The following DAB1 variants were observed in gnomAD, a reference collection of about 807,000 sequenced individuals.
The protein encoded by DAB1 is DAB adaptor protein 1, also known as disabled homolog 1.
Under a neutral mutation model 64.6 loss-of-function variants are expected in DAB1, and 15 were observed. The observed-to-expected ratio is 0.23, with a 90% CI of 0.16 to 0.36. The LOEUF is 0.36. DAB1 is among the 10% of genes least tolerant of loss of function. DAB1 has a pLI of 1.00. For synonymous variants in DAB1, 235 were observed against 251.9 expected (o/e 0.93, Z 0.64); for missense variants, 596 against 706.7 (o/e 0.84, Z 1.78).
chr1:58,437,768 T>A (rs547049299), intron 3 of DAB1, among the ~76,000 whole-genome samples: 5 of 152,266 alleles, frequency 3.3e-5, no homozygotes, highest in Non-Finnish European at 5.9e-5. Context: ...CCCTAACACA[T>A]CCTTTGAGGA....
Position 56,997,824 on chromosome 1 carries a change from C to T in DAB1, c.*320G>A, listed in dbSNP as rs1645687849. ...GCACACTGAGTCATCTTAAACCCAG[C>T]TATGAGGGCTCAAATATTTGTTGGG... On this transcript the variant is annotated 3_prime_UTR_variant, in exon 15 of 15. Coordinates refer to ENST00000371236, the MANE Select transcript of DAB1 (RefSeq NM_001365792.1). 6.6e-6 allele frequency: 1 copy of T among 152,212 alleles called. No individual in the cohort carries two copies. Among genetic ancestry groups the T allele is most frequent in the South Asian group, 2.1e-4 (1 of 4,828 alleles). The allele number at this position is 152,212 out of a possible 1,614,324, so 9.4% of individuals were successfully genotyped here.
intron 6 of DAB1, among the ~76,000 whole-genome samples, chr1:57,683,386 T>A (rs1646659360): frequency 6.6e-6 from 1 of 152,026 alleles, no homozygotes; most frequent in Non-Finnish European, 1.5e-5. Flanking sequence ...GAGTGGGTCA[T>A]CTCTCCCCAC....
chr1:57,317,930 T>C (rs1418471575), intron 1 of DAB1, among the ~76,000 whole-genome samples: 8 of 152,194 alleles, frequency 5.3e-5, no homozygotes, highest in Admixed American at 5.2e-4. Context: ...AAGTGCCTAG[T>C]CTGCTTTTGT....
intron 9 of DAB1, among the ~76,000 whole-genome samples, chr1:57,049,450 CAAAAAAAAAAAAAAAA>C (rs574438911): frequency 4.1e-5 from 1 of 24,586 alleles, no homozygotes; most frequent in African/African-American, 1.5e-4. Flanking sequence ...GACTCCGTCT[CAAAAAAAAAAAAAAAA>C]AAAAAAAAAA....
chr1:57,685,573 A>G (rs1352854341), intron 6 of DAB1, among the ~76,000 whole-genome samples: 1 of 152,178 alleles, frequency 6.6e-6, no homozygotes, highest in Non-Finnish European at 1.5e-5. Context: ...ATAGACATCT[A>G]TAGAATACCA....
At chr1:58,417,024 C>T (rs1644727901) in intron 3 of DAB1, among the ~76,000 whole-genome samples, 1 of 152,114 alleles carries the variant, frequency 6.6e-6, no homozygotes. Flanking sequence ...GAATGTCACC[C>T]TTTCTTTTTC....
At chr1:57,089,979 C>A (rs1653490391) in intron 4 of DAB1, among the ~76,000 whole-genome samples, 1 of 152,144 alleles carries the variant, frequency 6.6e-6, no homozygotes, top group Non-Finnish European at 1.5e-5. Flanking sequence ...TGTGACACAG[C>A]CGACACCCAG....
At chr1:58,492,234 A>G (rs1645708506) in intron 3 of DAB1, among the ~76,000 whole-genome samples, 1 of 152,214 alleles carries the variant, frequency 6.6e-6, no homozygotes, top group Non-Finnish European at 1.5e-5. Flanking sequence ...AAGACACAAC[A>G]TACCAGAATC....
chr1:57,740,546 C>T (rs981986702), intron 6 of DAB1, among the ~76,000 whole-genome samples: 2 of 152,184 alleles, frequency 1.3e-5, no homozygotes, highest in African/African-American at 4.8e-5. Flanking sequence ...GGAAGTATTA[C>T]ATAATGGTTA....
chr1:58,492,192 A>G (rs990932894), intron 3 of DAB1, among the ~76,000 whole-genome samples: 1 of 152,254 alleles, frequency 6.6e-6, no homozygotes, highest in African/African-American at 2.4e-5. Context: ...TGAAGGCAGA[A>G]ATAAAGATGT....
At chr1:58,491,001 G>A (rs1213260862) in intron 3 of DAB1, among the ~76,000 whole-genome samples, 1 of 151,356 alleles carries the variant, frequency 6.6e-6, no homozygotes, top group Non-Finnish European at 1.5e-5. Context: ...TAGAGACGGG[G>A]TTTCACCATG....
intron 4 of DAB1, among the ~76,000 whole-genome samples, chr1:58,256,894 G>A (rs926174200): frequency 5.3e-5 from 8 of 152,136 alleles, no homozygotes; most frequent in African/African-American, 1.9e-4. Context: ...AAAAATTATG[G>A]TCAGGCAATT....
chr1:57,288,757 G>T (rs528227871), intron 2 of DAB1, among the ~76,000 whole-genome samples: 1 of 152,106 alleles, frequency 6.6e-6, no homozygotes, highest in African/African-American at 2.4e-5. Flanking sequence ...GGAGGGAAAT[G>T]GAGAAAGATG....
chr1:57,257,162 G>A (rs932479088), intron 2 of DAB1, among the ~76,000 whole-genome samples: 6 of 152,146 alleles, frequency 3.9e-5, no homozygotes, highest in African/African-American at 9.7e-5. Flanking sequence ...CACTCTTGGG[G>A]TTTGCTGAAT....
At chr1:57,788,757 G>A (rs1650453155) in intron 6 of DAB1, among the ~76,000 whole-genome samples, 1 of 152,134 alleles carries the variant, frequency 6.6e-6, no homozygotes, top group African/African-American at 2.4e-5. Flanking sequence ...AAGAGGAGAA[G>A]TTTTACTTCA....
At chr1:58,345,269 A>T (rs1307624271) in intron 3 of DAB1, among the ~76,000 whole-genome samples, 1 of 152,132 alleles carries the variant, frequency 6.6e-6, no homozygotes. Flanking sequence ...ATCAAAATCA[A>T]CTGCAAGCTC....
intron 10 of DAB1, among the ~76,000 whole-genome samples, chr1:57,024,344 G>A (rs1001040065): frequency 6.6e-6 from 1 of 152,212 alleles, no homozygotes; most frequent in Non-Finnish European, 1.5e-5. Flanking sequence ...TGGTGGGCAA[G>A]ATGGGGGATA....
chr1:58,370,239 C>T (rs1013574539), intron 3 of DAB1, among the ~76,000 whole-genome samples: 1 of 152,146 alleles, frequency 6.6e-6, no homozygotes, highest in East Asian at 1.9e-4. Flanking sequence ...CAAATTCATA[C>T]AGATGAATCT....
chr1:58,510,618 A>G (rs1646059315), intron 2 of DAB1, among the ~76,000 whole-genome samples: 1 of 152,150 alleles, frequency 6.6e-6, no homozygotes, highest in Admixed American at 6.6e-5. Context: ...TGGGAGTCCT[A>G]GCCAGGGCAA....
Sources: allele counts gnomAD v4.1 joint callset (sites outside exome capture counted in the v4.1 genomes callset), GRCh38; gene constraint gnomAD v4.1.1; transcripts MANE v1.5; gene names NCBI Gene and HGNC (gene_info 2026-07-23, HGNC 2026-07-21).